Variants in TBC1D31 observed in about 807,000 individuals in gnomAD.
The protein encoded by TBC1D31 is WD repeat domain 67.
A neutral mutation model predicts 132.9 loss-of-function variants in TBC1D31; 99 were observed. The ratio of observed to expected loss-of-function variants is 0.74; its 90% confidence interval spans 0.63 to 0.88. The LOEUF is 0.88. Ranked by LOEUF, TBC1D31 falls within the 40% of genes least tolerant of loss-of-function variation. The probability of loss-of-function intolerance (pLI) is 0.00; values close to 1 mark genes in which losing one functional copy is unlikely to be tolerated. For missense variants in TBC1D31, 1,134 were observed against 1,256.6 expected (o/e 0.90, Z 1.48); for synonymous variants, 385 against 419.4 (o/e 0.92, Z 1.00).
chr8:123,108,991 A>C (rs146695732), intron 8 of TBC1D31, among the ~76,000 whole-genome samples: 239 of 152,342 alleles, frequency 1.6e-3, no homozygotes, highest in African/African-American at 5.1e-3. Context: ...CACCAGGTCC[A>C]TCCTTCAACA....
At chr8:123,138,139 C>A (rs994535080) in intron 17 of TBC1D31, among the ~76,000 whole-genome samples, 3 of 152,132 alleles carry the variant, frequency 2.0e-5, no homozygotes, top group African/African-American at 7.2e-5. Flanking sequence ...GATTTTACTT[C>A]TTTATGGAGT....
chr8:123,085,036 T>G (rs1815582491), intron 4 of TBC1D31, among the ~76,000 whole-genome samples: 1 of 152,074 alleles, frequency 6.6e-6, no homozygotes, highest in South Asian at 2.1e-4. Context: ...GCAATCCTCT[T>G]GCCTCGGCCT....
chr8:123,085,808 C>G (rs1486405107), intron 4 of TBC1D31, among the ~76,000 whole-genome samples: 1 of 152,174 alleles, frequency 6.6e-6, no homozygotes, highest in Non-Finnish European at 1.5e-5. Flanking sequence ...AATATACCAC[C>G]TTTTAAAAAT....
downstream of TBC1D31, among the ~76,000 whole-genome samples, chr8:123,156,298 G>A (rs886879817): frequency 6.6e-6 from 1 of 152,044 alleles, no homozygotes; most frequent in Non-Finnish European, 1.5e-5. Context: ...AAAATTAGCC[G>A]AGTGTAGTGG....
downstream of TBC1D31, among the ~76,000 whole-genome samples, chr8:123,152,820 G>A (rs924452937): frequency 6.6e-5 from 10 of 152,184 alleles, no homozygotes; most frequent in East Asian, 3.9e-4. Flanking sequence ...GCAGTGAGCC[G>A]AGATCACGCC....
the TBC1D31 span, among the ~76,000 whole-genome samples, chr8:123,163,303 G>A: frequency 1.3e-5 from 2 of 149,296 alleles, no homozygotes; most frequent in South Asian, 2.1e-4. Context: ...AAATGAGTTT[G>A]GTTATCCTAT....
At chr8:123,091,830 G>A (rs62521770) in intron 4 of TBC1D31, among the ~76,000 whole-genome samples, 13,729 of 152,184 alleles carry the variant, frequency 0.09, 834 homozygotes, top group Non-Finnish European at 0.13. Context: ...ATAGAAAAAT[G>A]AAAATTAGGA....
At chr8:123,090,833 TC>T (rs1389495722) in intron 4 of TBC1D31, among the ~76,000 whole-genome samples, 1 of 152,050 alleles carries the variant, frequency 6.6e-6, no homozygotes, top group Admixed American at 6.6e-5. Context: ...CATGCTGTAG[TC>T]CCAGCTGCTT....
chr8:123,072,999 C>A (rs931040566), intron 1 of TBC1D31, among the ~76,000 whole-genome samples, 153 bp downstream of exon 1: 1 of 152,152 alleles, frequency 6.6e-6, no homozygotes, highest in Non-Finnish European at 1.5e-5. Flanking sequence ...TGGCTCCGGA[C>A]GCCAGGGTCC....
At chr8:123,103,096 GT>G in intron 7 of TBC1D31, 2 of 152,300 alleles carry the variant, frequency 1.3e-5, no homozygotes, top group South Asian at 4.1e-4. Context: ...CTGACTCTGT[GT>G]TTCCCCTAGG....
chr8:123,099,044 C>T (rs1376176879), intron 6 of TBC1D31, among the ~76,000 whole-genome samples: 2 of 152,198 alleles, frequency 1.3e-5, no homozygotes, highest in Non-Finnish European at 2.9e-5. Context: ...GGGAAGAGAA[C>T]CTGCACTTAG....
intron 1 of TBC1D31, chr8:123,073,549 C>A: frequency 2.7e-6 from 1 of 364,532 alleles, no homozygotes; most frequent in Non-Finnish European, 5.4e-6. Flanking sequence ...TGTCTTGTTT[C>A]CCTGGAAGCC....
rs565166362 is a variant in TBC1D31, at chr8:123,130,996, G to A, written c.2406+663G>A. ...GTGGCCAGTATAAAAATAATTTCCA[G>A]TACAAAACATACAGAATTAAAAATT... On this transcript the variant is annotated intron_variant, in intron 16 of 21. Transcript: ENST00000287380. Among the ~76,000 whole-genome samples the A allele has an allele frequency of 2.0e-5, 3 of 152,018 alleles. No homozygotes were observed. The South Asian group carries it at 6.2e-4, about 32-fold the overall frequency.
downstream of TBC1D31, among the ~76,000 whole-genome samples, chr8:123,156,893 C>T (rs1823005361): frequency 6.6e-6 from 1 of 152,230 alleles, no homozygotes; most frequent in African/African-American, 2.4e-5. Context: ...GCAGCGCCGT[C>T]CTGGACTGTG....
intron 20 of TBC1D31, among the ~76,000 whole-genome samples, chr8:123,149,031 G>A (rs1822523915): frequency 6.6e-6 from 1 of 151,908 alleles, no homozygotes; most frequent in South Asian, 2.1e-4. Context: ...TGGGGTGACA[G>A]AGCAAGATTC....
At chr8:123,099,806 A>G (rs1817204198) in intron 6 of TBC1D31, among the ~76,000 whole-genome samples, 1 of 152,162 alleles carries the variant, frequency 6.6e-6, no homozygotes, top group Non-Finnish European at 1.5e-5. Flanking sequence ...TATTTTTCAC[A>G]GTTCTGGAGG....
downstream of TBC1D31, among the ~76,000 whole-genome samples, chr8:123,155,222 A>G (rs80075046): frequency 6.2e-4 from 94 of 152,292 alleles, no homozygotes; most frequent in East Asian, 0.017. This position sits in a 1 kb window ranked among gnomAD's most constrained non-coding sequence, Gnocchi z 4.1. Flanking sequence ...TCCCAATGCC[A>G]TGCTCTGGGC....
downstream of TBC1D31, among the ~76,000 whole-genome samples, chr8:123,156,720 C>A (rs1822998972): frequency 6.6e-6 from 1 of 152,192 alleles, no homozygotes; most frequent in Non-Finnish European, 1.5e-5. Context: ...ACCCCTCTCC[C>A]AGACCCTATC....
chr8:123,106,439 A>G (rs1210986438), intron 8 of TBC1D31, among the ~76,000 whole-genome samples: 1 of 152,180 alleles, frequency 6.6e-6, no homozygotes, highest in East Asian at 1.9e-4. Flanking sequence ...ATACTGACAT[A>G]TTGTCAGAAT....
Sources: allele counts gnomAD v4.1 joint callset (sites outside exome capture counted in the v4.1 genomes callset), GRCh38; gene constraint gnomAD v4.1.1; non-coding constraint Gnocchi (gnomAD v3.1); transcripts MANE v1.5; gene names NCBI Gene and HGNC (gene_info 2026-07-23, HGNC 2026-07-21).